The following TNIK variants were observed in gnomAD, a reference collection of about 807,000 sequenced individuals.
TNIK encodes the protein TRAF2 and NCK-interacting protein kinase.
A neutral mutation model predicts 191.3 loss-of-function variants in TNIK; 49 were observed. The ratio of observed to expected loss-of-function variants is 0.26; its 90% CI spans 0.20 to 0.32. The LOEUF (loss-of-function observed/expected upper bound fraction) is 0.32. Among genes scored for constraint, TNIK ranks in the 10% least tolerant of loss-of-function variants. The pLI, the probability that TNIK is intolerant of heterozygous loss-of-function variation, is 1.00. For synonymous variants in TNIK, 594 were observed against 600.9 expected (o/e 0.99, Z 0.17); for missense variants, 1,155 against 1,702.3 (o/e 0.68, Z 5.66).
chr3:171,281,901 T>G (rs1418579911), intron 2 of TNIK, among the ~76,000 whole-genome samples: 1 of 152,212 alleles, frequency 6.6e-6, no homozygotes, highest in Non-Finnish European at 1.5e-5. Flanking sequence ...TGAGTTAGCC[T>G]TATGAGCATT....
At chr3:171,336,289 C>CT (rs1756944748) in intron 2 of TNIK, among the ~76,000 whole-genome samples, 2 of 152,184 alleles carry the variant, frequency 1.3e-5, no homozygotes, top group African/African-American at 4.8e-5. Flanking sequence ...AACTTAAGGC[C>CT]TTTTGTTCCA....
chr3:171,410,951 T>C (rs542334774), intron 1 of TNIK, among the ~76,000 whole-genome samples: 3 of 152,194 alleles, frequency 2.0e-5, no homozygotes, highest in East Asian at 1.9e-4. Context: ...ATTAATCCAC[T>C]ACACTCAGAT....
chr3:171,328,184 AG>A lies in TNIK; in HGVS notation c.123+41435del, dbSNP rs1265535246. Among the ~76,000 whole-genome samples, 316 of 152,310 alleles carry A rather than the reference AG, an allele frequency of 2.1e-3. 1 individual carries two copies. The highest frequency in any genetic ancestry group is 7.4e-3 in the African/African-American group (307 of 41,582). On this transcript the variant is annotated intron_variant, in intron 2 of 32. Transcript: ENST00000436636. ...AGTGCACTTATAAAATAGGTCCCAG[AG>A]AAGCCATTACCCTTGTGAGGACACA...
intron 12 of TNIK, among the ~76,000 whole-genome samples, chr3:171,150,033 G>T (rs568823757): frequency 6.6e-6 from 1 of 152,098 alleles, no homozygotes; most frequent in Non-Finnish European, 1.5e-5. Context: ...GGGCCTGGGA[G>T]TGTGGTCCAG....
intron 1 of TNIK, among the ~76,000 whole-genome samples, chr3:171,440,378 C>A (rs1009605743): frequency 6.6e-6 from 1 of 152,140 alleles, no homozygotes; most frequent in Non-Finnish European, 1.5e-5. Flanking sequence ...CAACCCATTA[C>A]AATTTGAAAA....
At chr3:171,079,385 G>T in intron 28 of TNIK, 133 bp downstream of exon 28, 1 of 1,036,400 alleles carries the variant, frequency 9.6e-7, no homozygotes, top group Non-Finnish European at 1.3e-6. Flanking sequence ...AAATAATGCT[G>T]AAGGTTCCAG....
At chr3:171,360,823 C>A (rs766522128) in intron 2 of TNIK, among the ~76,000 whole-genome samples, 2 of 152,204 alleles carry the variant, frequency 1.3e-5, no homozygotes, top group Non-Finnish European at 2.9e-5. Flanking sequence ...CCACAGCCCC[C>A]ACAGATTTGG....
At chr3:171,161,019 A>G (rs1733917275) in intron 11 of TNIK, among the ~76,000 whole-genome samples, 1 of 152,246 alleles carries the variant, frequency 6.6e-6, no homozygotes, top group Admixed American at 6.5e-5. Context: ...CATATGTAAG[A>G]AAACAAGCTC....
At chr3:171,176,617 A>G (rs1250433518) in intron 8 of TNIK, among the ~76,000 whole-genome samples, 1 of 152,234 alleles carries the variant, frequency 6.6e-6, no homozygotes, top group Non-Finnish European at 1.5e-5. Flanking sequence ...AAAGTTGCCT[A>G]CAAAGGAATC....
intron 12 of TNIK, among the ~76,000 whole-genome samples, chr3:171,150,914 G>C (rs1281529042): frequency 6.6e-6 from 1 of 152,156 alleles, no homozygotes; most frequent in Non-Finnish European, 1.5e-5. Context: ...CAGGGAATGG[G>C]GAAATGCTAG....
rs1231810062 is a variant in TNIK at position 171,123,448 on chromosome 3, T to A, written c.2120+148A>T. 12 of 449,000 alleles carry A rather than the reference T, an allele frequency of 2.7e-5. No individual in the cohort carries two copies. The East Asian group carries it at 4.3e-4, about 16-fold the overall frequency. 27.8% of individuals were successfully genotyped at this position (449,000 alleles called of 1,614,324 possible). ...AAAGCTACTGAAGAAATAAAAGGCATGTGTTCTGGACCATCAACGTTTATA... is the reference window on the plus strand; with the variant it reads ...AAAGCTACTGAAGAAATAAAAGGCAAGTGTTCTGGACCATCAACGTTTATA... On this transcript the variant is annotated intron_variant, in intron 18 of 32. Coordinates refer to ENST00000436636, the MANE Select transcript of TNIK (RefSeq NM_015028.4).
intron 4 of TNIK, among the ~76,000 whole-genome samples, chr3:171,199,995 G>T (rs1016774853): frequency 1.2e-4 from 18 of 152,170 alleles, no homozygotes; most frequent in African/African-American, 3.9e-4. Flanking sequence ...AAAGGCACTG[G>T]GCACATTTTT....
intron 9 of TNIK, among the ~76,000 whole-genome samples, chr3:171,170,568 A>G (rs1227385100): frequency 2.6e-5 from 4 of 152,208 alleles, no homozygotes; most frequent in Non-Finnish European, 5.9e-5. Context: ...ATTAGTACTT[A>G]TCTCAAAAAA....
At position 171,205,361 on chromosome 3, in the gene TNIK, G is replaced by C. The variant is rs1481225219; in HGVS notation, c.306+5755C>G. 3.9e-5 allele frequency among the ~76,000 whole-genome samples: 6 copies of C among 152,336 alleles called. No individual in the cohort carries two copies. In the East Asian group the frequency reaches 9.6e-4, roughly 24 times the overall value. ...AGAAGCTACTAGACAATTGCTAGAA[G>C]GGATGGTCAGAGCAGCCCTCTGCAT... On this transcript the variant is annotated intron_variant, in intron 4 of 32. Coordinates refer to ENST00000436636, the MANE Select transcript of TNIK (RefSeq NM_015028.4).
intron 1 of TNIK, among the ~76,000 whole-genome samples, chr3:171,441,786 A>T (rs1726847119): frequency 6.6e-6 from 1 of 152,200 alleles, no homozygotes; most frequent in Non-Finnish European, 1.5e-5. Context: ...TGAGAGTTCC[A>T]GTTTCTGCAT....
At chr3:171,263,463 G>A (rs76735261) in intron 2 of TNIK, among the ~76,000 whole-genome samples, 4 of 151,852 alleles carry the variant, frequency 2.6e-5, no homozygotes, top group Non-Finnish European at 5.9e-5. Context: ...ACAATTTTGA[G>A]AGAAAAAAAG....
At chr3:171,327,712 G>C (rs1755932134) in intron 2 of TNIK, among the ~76,000 whole-genome samples, 2 of 151,792 alleles carry the variant, frequency 1.3e-5, no homozygotes, top group South Asian at 2.1e-4. Flanking sequence ...GGAGCAAAGG[G>C]GGGTGTGTAA....
At chr3:171,106,315 A>G (rs1308866551) in intron 21 of TNIK, among the ~76,000 whole-genome samples, 1 of 152,190 alleles carries the variant, frequency 6.6e-6, no homozygotes, top group Non-Finnish European at 1.5e-5. Flanking sequence ...CATTTTATGG[A>G]TGAGGAAACT....
chr3:171,412,323 C>T (rs896454098), intron 1 of TNIK, among the ~76,000 whole-genome samples: 14 of 151,910 alleles, frequency 9.2e-5, no homozygotes, highest in Admixed American at 6.6e-5. Flanking sequence ...TAAGAAAACC[C>T]CAGGGAAAAA....
Sources: gnomAD v4.1 joint callset for allele counts (sites outside exome capture counted in the v4.1 genomes callset) on GRCh38, gnomAD v4.1.1 for gene constraint, MANE v1.5 for transcripts, NCBI Gene and HGNC (gene_info 2026-07-23, HGNC 2026-07-21) for gene names.